KRTAP26-1: variants seen among roughly 807,000 people sequenced by gnomAD.
KRTAP26-1 encodes the protein keratin-associated protein 26-1.
For synonymous variants in KRTAP26-1, 111 were observed against 103.3 expected (o/e 1.07, Z -0.45); for missense variants, 273 against 260.9 (o/e 1.05, Z -0.32).
At position 30,319,526 on chromosome 21, in the gene KRTAP26-1, G is replaced by A; in HGVS notation, c.510C>T (p.Ala170=). Residue 170 remains alanine, a synonymous_variant, in exon 1 of 1, where the codon GCC becomes GCT. Transcript: ENST00000360542. ...CAACGTGAAGACTTTGAGGACGATAGGCCAAGCAACTCGAGGGTTGGCATC... is the reference window on the plus strand; with the variant it reads ...CAACGTGAAGACTTTGAGGACGATAAGCCAAGCAACTCGAGGGTTGGCATC... ...TSGCQPSSCL[A]YRPQSLHVVS... 6.2e-7 allele frequency: 1 copy of A among 1,613,938 alleles called. No individual in the cohort carries two copies. Among genetic ancestry groups the A allele is most frequent in the Non-Finnish European group, 8.5e-7 (1 of 1,179,958 alleles).
At position 30,319,412 on chromosome 21, in the gene KRTAP26-1, A is replaced by G; in HGVS notation, c.624T>C (p.Ser208=). 6.3e-7 allele frequency: 1 copy of G among 1,591,822 alleles called. No homozygotes were observed. The highest frequency in any genetic ancestry group is 8.6e-7 in the Non-Finnish European group (1 of 1,165,940). ...AAAGAAGCTGCTGGTTTCACAGTCC[A>G]GAGCAAGATGGACGACACGTGCTGA... ...HVFSTCRPSC[S]GL Residue 208 remains serine (S), a synonymous_variant, in exon 1 of 1, where the codon TCT becomes TCC. Coordinates refer to ENST00000360542, the MANE Select transcript of KRTAP26-1 (RefSeq NM_203405.2).
At position 30,319,650 on chromosome 21, in the gene KRTAP26-1, AGCAGCG is replaced by A. The variant is rs1568817583; in HGVS notation, c.380_385del (p.Pro127_Leu128del). ...GTCTCCTATGGGCTGGTAACTATTG[AGCAGCG>A]GCCTCAGTGGACGACAGCCGCTGGA... On this transcript the variant is annotated inframe_deletion, in exon 1 of 1. Transcript: ENST00000360542. 4 of 1,613,824 alleles carry A rather than the reference AGCAGCG, an allele frequency of 2.5e-6. No individual in the cohort carries two copies. The highest frequency in any genetic ancestry group is 3.4e-6 in the Non-Finnish European group (4 of 1,179,918).
chr21:30,319,784 A>T lies in KRTAP26-1; in HGVS notation c.252T>A (p.Thr84=). 1.2e-6 allele frequency: 2 copies of T among 1,613,864 alleles called. No individual in the cohort carries two copies. Among genetic ancestry groups the T allele is most frequent in the Non-Finnish European group, 1.7e-6 (2 of 1,179,848 alleles). The change falls in exon 1 of 1, where the codon ACT becomes ACA. Residue 84 remains threonine, a synonymous_variant. Coordinates refer to ENST00000360542, the MANE Select transcript of KRTAP26-1 (RefSeq NM_203405.2). ...GGCAAGGCCTGGGCACGTAGTAAGC[A>T]GTGGAAGAACCGCAAGAGGTTTCAA... is the stretch of plus-strand genomic sequence containing the variant. The part of the protein sequence containing the change: ...GNLETSCGSS[T]AYYVPRPCQG...
chr21:30,320,052 C>T lies in KRTAP26-1; in HGVS notation c.-17G>A, dbSNP rs761495493. On this transcript the variant is annotated 5_prime_UTR_variant, in exon 1 of 1. Transcript: ENST00000360542. ...GCAAGACATAGTGAGGTTGTGAGAG[C>T]AGGCTGAAGTTGAGGCAAAGAAGTG... 15 of 1,551,274 alleles carry T rather than the reference C, an allele frequency of 9.7e-6. No individual in the cohort carries two copies. Among genetic ancestry groups the T allele is most frequent in the Admixed American group, 1.9e-5 (1 of 51,866 alleles).
rs1017526433 is a variant in KRTAP26-1 at position 30,319,669 on chromosome 21, G to T, written c.367C>A (p.Arg123Ser). The T allele has an allele frequency of 6.2e-7, 1 of 1,613,968 alleles. No homozygotes were observed. Among genetic ancestry groups the T allele is most frequent in the Non-Finnish European group, 8.5e-7 (1 of 1,179,914 alleles). ...RPQRYVSSGC[R>S]PLRPLLNSYQ... is the part of the protein sequence containing the mutation. ...CTATTGAGCAGCGGCCTCAGTGGACGACAGCCGCTGGACACATACCTCTGT... is the reference window on the plus strand; with the variant it reads ...CTATTGAGCAGCGGCCTCAGTGGACTACAGCCGCTGGACACATACCTCTGT... Residue 123 changes from arginine (R) to serine (S), a missense_variant, in exon 1 of 1, where the codon CGT (arginine) becomes AGT (serine). Physicochemically the swap from Arg to Ser is moderately radical, Grantham distance 110 (BLOSUM62 -1). Transcript: ENST00000360542.
Position 30,320,061 on chromosome 21 carries a change from G to T in KRTAP26-1, c.-26C>A. On this transcript the variant is annotated 5_prime_UTR_variant, in exon 1 of 1. Coordinates refer to ENST00000360542, the MANE Select transcript of KRTAP26-1 (RefSeq NM_203405.2). ...AGTGAGGTTGTGAGAGCAGGCTGAA[G>T]TTGAGGCAAAGAAGTGAGTGTCTGA... 1 of 1,525,818 alleles carries T rather than the reference G, an allele frequency of 6.6e-7. No individual in the cohort carries two copies. Among genetic ancestry groups the T allele is most frequent in the East Asian group, 2.3e-5 (1 of 43,146 alleles). 94.5% of individuals were successfully genotyped at this position (1,525,818 alleles called of 1,614,324 possible).
In KRTAP26-1 at chr21:30,320,080, T is replaced by G; in HGVS notation, c.-45A>C. The G allele has an allele frequency of 6.8e-7, 1 of 1,478,710 alleles. No individual in the cohort carries two copies. Among genetic ancestry groups the G allele is most frequent in the Non-Finnish European group, 9.0e-7 (1 of 1,106,992 alleles). The allele number at this position is 1,478,710 out of a possible 1,614,324, so 91.6% of individuals were successfully genotyped here. A position where few individuals can be genotyped will look rare whatever the true frequency, so the allele number is the denominator to read the frequency against. Reference sequence around the variant, plus strand: ...GCTGAAGTTGAGGCAAAGAAGTGAGTGTCTGAAGTTTGTTCTGCCCTTCCT... The same window carrying G: ...GCTGAAGTTGAGGCAAAGAAGTGAGGGTCTGAAGTTTGTTCTGCCCTTCCT... On this transcript the variant is annotated 5_prime_UTR_variant, in exon 1 of 1. Transcript: ENST00000360542.
In KRTAP26-1 at chr21:30,319,984, T is replaced by C. The variant is rs80321764; in HGVS notation, c.52A>G (p.Thr18Ala). The C allele has an allele frequency of 6.2e-7, 1 of 1,612,084 alleles. No individual in the cohort carries two copies. The highest frequency in any genetic ancestry group is 8.5e-7 in the Non-Finnish European group (1 of 1,179,000). Reference protein sequence around the residue: ...SGNSNSGSLRTSRHIPLTSID... With the variant: ...SGNSNSGSLRASRHIPLTSID... ...GAGGTGAGAGGAATATGGCGGGAGGTTCTGAGAGATCCTGAGTTGGAGTTT... is the reference window on the plus strand; with the variant it reads ...GAGGTGAGAGGAATATGGCGGGAGGCTCTGAGAGATCCTGAGTTGGAGTTT... Residue 18 changes from threonine (T) to alanine (A), a missense_variant, in exon 1 of 1, where the codon ACC becomes GCC. By Grantham distance (58) the Thr-to-Ala change is moderately conservative. Coordinates refer to ENST00000360542, the MANE Select transcript of KRTAP26-1 (RefSeq NM_203405.2).
In KRTAP26-1 at chr21:30,319,368, A is replaced by G. The variant is rs781080258; in HGVS notation, c.*35T>C. On this transcript the variant is annotated 3_prime_UTR_variant, in exon 1 of 1. Transcript: ENST00000360542. ...TTGAATTTTTGTTGTGGATGCTCAG[A>G]GTGATTATTCACTGGAACAAAGAAG... 3 of 1,522,128 alleles carry G rather than the reference A, an allele frequency of 2.0e-6. No homozygotes were observed. Among genetic ancestry groups the G allele is most frequent in the Non-Finnish European group, 2.6e-6 (3 of 1,133,410 alleles). The allele number at this position is 1,522,128 out of a possible 1,614,324, so 94.3% of individuals were successfully genotyped here.
Position 30,319,347 on chromosome 21 carries a change from A to C in KRTAP26-1, c.*56T>G. ...AGAAGCAAAAGTCCATGGAGTTTGAATTTTTGTTGTGGATGCTCAGAGTGA... is the reference window on the plus strand; with the variant it reads ...AGAAGCAAAAGTCCATGGAGTTTGACTTTTTGTTGTGGATGCTCAGAGTGA... On this transcript the variant is annotated 3_prime_UTR_variant, in exon 1 of 1. Coordinates refer to ENST00000360542, the MANE Select transcript of KRTAP26-1 (RefSeq NM_203405.2). 1 of 1,481,586 alleles carries C rather than the reference A, an allele frequency of 6.7e-7. No homozygotes were observed. The highest frequency in any genetic ancestry group is 1.5e-5 in the South Asian group (1 of 65,988). The allele number at this position is 1,481,586 out of a possible 1,614,324, so 91.8% of individuals were successfully genotyped here. A position where few individuals can be genotyped will look rare whatever the true frequency, so the allele number is the denominator to read the frequency against.
chr21:30,319,293 A>C lies in KRTAP26-1; in HGVS notation c.*110T>G. 4.4e-6 allele frequency: 5 copies of C among 1,127,352 alleles called. No homozygotes were observed. The highest frequency in any genetic ancestry group is 6.3e-6 in the Non-Finnish European group (5 of 797,100). 69.8% of individuals were successfully genotyped at this position (1,127,352 alleles called of 1,614,324 possible). The stretch of plus-strand genomic sequence containing the variant: ...GCTTGCATTAGATCAGGCACAGTAA[A>C]ACTAAGAAACATCAGTTGCTACTAG... On this transcript the variant is annotated 3_prime_UTR_variant, in exon 1 of 1. Coordinates refer to ENST00000360542, the MANE Select transcript of KRTAP26-1 (RefSeq NM_203405.2).
chr21:30,319,505 G>A lies in KRTAP26-1; in HGVS notation c.531C>T (p.His177=). Residue 177 remains histidine (H), a synonymous_variant, in exon 1 of 1, where the codon CAC becomes CAT. Transcript: ENST00000360542. ...GAGGTCTGAGGCTGCTGGACACAAC[G>A]TGAAGACTTTGAGGACGATAGGCCA... ...SCLAYRPQSL[H]VVSSSLRPLG... The A allele has an allele frequency of 6.2e-7, 1 of 1,613,974 alleles. No individual in the cohort carries two copies. Among genetic ancestry groups the A allele is most frequent in the Non-Finnish European group, 8.5e-7 (1 of 1,179,972 alleles).
chr21:30,319,449 A>G lies in KRTAP26-1; in HGVS notation c.587T>C (p.Leu196Pro), dbSNP rs1981620111. ...LGPLFSGCQP[L>P]THVFSTCRPS... is the part of the protein sequence containing the mutation. ...ACGACACGTGCTGAACACATGGGTCAGAGGTTGGCAACCACTGAACAGAGG... is the reference window on the plus strand; with the variant it reads ...ACGACACGTGCTGAACACATGGGTCGGAGGTTGGCAACCACTGAACAGAGG... The change falls in exon 1 of 1, where the codon CTG (leucine) becomes CCG (proline). Residue 196 changes from leucine to proline, a missense_variant. Transcript: ENST00000360542. 1 of 1,613,758 alleles carries G rather than the reference A, an allele frequency of 6.2e-7. No individual in the cohort carries two copies. Among genetic ancestry groups the G allele is most frequent in the South Asian group, 1.1e-5 (1 of 91,078 alleles).
At position 30,319,885 on chromosome 21, in the gene KRTAP26-1, A is replaced by C; in HGVS notation, c.151T>G (p.Trp51Gly). The stretch of plus-strand genomic sequence containing the variant: ...GTCTCTTGGCAGTTGTCTGTGACCC[A>C]GGTATGGTCTTGAGAGCTAGTGGGT... ...YLPTSSQDHT[W>G]VTDNCQETCG... The change falls in exon 1 of 1, where the codon TGG becomes GGG. Residue 51 changes from tryptophan (W) to glycine (G), a missense_variant. Trp to Gly is a radical substitution (Grantham distance 184, BLOSUM62 -2). Transcript: ENST00000360542. 10 of 1,614,116 alleles carry C rather than the reference A, an allele frequency of 6.2e-6. No homozygotes were observed. Among genetic ancestry groups the C allele is most frequent in the Non-Finnish European group, 7.6e-6 (9 of 1,179,980 alleles).
Position 30,319,687 on chromosome 21 carries a change from A to G in KRTAP26-1, c.349T>C (p.Tyr117His), listed in dbSNP as rs750415060. 1 of 1,614,050 alleles carries G rather than the reference A, an allele frequency of 6.2e-7. No homozygotes were observed. The highest frequency in any genetic ancestry group is 1.7e-5 in the Admixed American group (1 of 60,008). Reference sequence around the variant, plus strand: ...AGTGGACGACAGCCGCTGGACACATACCTCTGTGGTCTACAGGATACTGGA... The same window carrying G: ...AGTGGACGACAGCCGCTGGACACATGCCTCTGTGGTCTACAGGATACTGGA... ...CLPVSCRPQR[Y>H]VSSGCRPLRP... The change falls in exon 1 of 1, where the codon TAT (tyrosine) becomes CAT (histidine). Residue 117 changes from tyrosine (Y) to histidine (H), a missense_variant. Transcript: ENST00000360542.
chr21:30,319,981 A>C lies in KRTAP26-1; in HGVS notation c.55T>G (p.Ser19Ala). The C allele has an allele frequency of 6.2e-7, 1 of 1,612,634 alleles. No individual in the cohort carries two copies. Among genetic ancestry groups the C allele is most frequent in the Non-Finnish European group, 8.5e-7 (1 of 1,179,242 alleles). ...ATGGAGGTGAGAGGAATATGGCGGG[A>C]GGTTCTGAGAGATCCTGAGTTGGAG... ...GNSNSGSLRT[S>A]RHIPLTSIDL... The change falls in exon 1 of 1, where the codon TCC (serine) becomes GCC (alanine). Residue 19 changes from serine to alanine, a missense_variant. Transcript: ENST00000360542.
At position 30,319,783 on chromosome 21, in the gene KRTAP26-1, C is replaced by T; in HGVS notation, c.253G>A (p.Ala85Thr). Reference protein sequence around the residue: ...NLETSCGSSTAYYVPRPCQGS... With the variant: ...NLETSCGSSTTYYVPRPCQGS... ...TGGCAAGGCCTGGGCACGTAGTAAG[C>T]AGTGGAAGAACCGCAAGAGGTTTCA... is the stretch of plus-strand genomic sequence containing the variant. Residue 85 changes from alanine to threonine, a missense_variant, in exon 1 of 1, where the codon GCT becomes ACT. Ala to Thr is a moderately conservative substitution (Grantham distance 58). Coordinates refer to ENST00000360542, the MANE Select transcript of KRTAP26-1 (RefSeq NM_203405.2). 1 of 1,613,792 alleles carries T rather than the reference C, an allele frequency of 6.2e-7. No individual in the cohort carries two copies. The highest frequency in any genetic ancestry group is 1.1e-5 in the South Asian group (1 of 91,050).
In KRTAP26-1 at chr21:30,319,795, C is replaced by G. The variant is rs766339111; in HGVS notation, c.241G>C (p.Gly81Arg). ...GGCACGTAGTAAGCAGTGGAAGAACCGCAAGAGGTTTCAAGATTGCCGGTC... is the reference window on the plus strand; with the variant it reads ...GGCACGTAGTAAGCAGTGGAAGAACGGCAAGAGGTTTCAAGATTGCCGGTC... ...CETGNLETSC[G>R]SSTAYYVPRP... The change falls in exon 1 of 1, where the codon GGT becomes CGT. Residue 81 changes from glycine to arginine, a missense_variant. Transcript: ENST00000360542. The G allele has an allele frequency of 6.2e-7, 1 of 1,613,576 alleles. No individual in the cohort carries two copies. Among genetic ancestry groups the G allele is most frequent in the Non-Finnish European group, 8.5e-7 (1 of 1,179,742 alleles).
chr21:30,319,666 G>A lies in KRTAP26-1; in HGVS notation c.370C>T (p.Pro124Ser). 6.2e-7 allele frequency: 1 copy of A among 1,614,010 alleles called. No homozygotes were observed. Among genetic ancestry groups the A allele is most frequent in the African/African-American group, 1.3e-5 (1 of 75,040 alleles). The change falls in exon 1 of 1, where the codon CCA becomes TCA. Residue 124 changes from proline (P) to serine (S), a missense_variant. By Grantham distance (74) the Pro-to-Ser change is moderately conservative (BLOSUM62 -1). Coordinates refer to ENST00000360542, the MANE Select transcript of KRTAP26-1 (RefSeq NM_203405.2). Reference sequence around the variant, plus strand: ...TAACTATTGAGCAGCGGCCTCAGTGGACGACAGCCGCTGGACACATACCTC... The same window carrying A: ...TAACTATTGAGCAGCGGCCTCAGTGAACGACAGCCGCTGGACACATACCTC... ...PQRYVSSGCR[P>S]LRPLLNSYQP...
Sources: allele counts gnomAD v4.1 joint callset, GRCh38; gene constraint gnomAD v4.1.1; transcripts MANE v1.5; gene names NCBI Gene and HGNC (gene_info 2026-07-23, HGNC 2026-07-21).